Variants in BBS1 observed in about 807,000 individuals in gnomAD.
The protein encoded by BBS1 is Bardet-Biedl syndrome 1, also known as BBSome complex member BBS1.
A neutral mutation model predicts 73.9 loss-of-function variants in BBS1; 60 were observed. The ratio of observed to expected loss-of-function variants is 0.81; its 90% CI spans 0.66 to 1.01. BBS1 has a LOEUF of 1.01. BBS1 is among the 50% of genes least tolerant of loss of function. BBS1 has a pLI of 0.00. For missense variants in BBS1, 718 were observed against 770.3 expected (o/e 0.93, Z 0.80); for synonymous variants, 283 against 317.4 (o/e 0.89, Z 1.15).
intron 7 of BBS1, among the ~76,000 whole-genome samples, chr11:66,519,403 A>G (rs944972244): frequency 6.6e-6 from 1 of 152,190 alleles, no homozygotes; most frequent in Non-Finnish European, 1.5e-5. Context: ...GTTTTTGATC[A>G]TATGGATGGC....
intron 4 of BBS1, among the ~76,000 whole-genome samples, chr11:66,515,114 A>G (rs530420286): frequency 2.0e-5 from 3 of 152,164 alleles, no homozygotes; most frequent in African/African-American, 7.2e-5. Context: ...CACCGTGCCC[A>G]GCCTAGTGAT....
intron 13 of BBS1, chr11:66,529,520 AC>A (rs1332780704): frequency 2.8e-6 from 2 of 716,300 alleles, no homozygotes; most frequent in African/African-American, 1.7e-5. Context: ...TGAGAAGAGG[AC>A]CATGGACCAG....
intron 9 of BBS1, 52 bp downstream of exon 9, chr11:66,521,428 T>C: frequency 2.8e-6 from 4 of 1,445,606 alleles, no homozygotes; most frequent in Non-Finnish European, 2.9e-6. Context: ...AGAAAACTGG[T>C]GGCTTCAGAG....
At chr11:66,529,762 G>C in intron 13 of BBS1, 57 bp from the exon 14 acceptor site, 2 of 1,601,788 alleles carry the variant, frequency 1.2e-6, no homozygotes, top group Non-Finnish European at 1.7e-6. Flanking sequence ...CCCCGTTGCT[G>C]CCTCCTCCCT....
At chr11:66,517,031 C>T (rs1226583608) in intron 7 of BBS1, among the ~76,000 whole-genome samples, 1 of 151,990 alleles carries the variant, frequency 6.6e-6, no homozygotes, top group Non-Finnish European at 1.5e-5. Flanking sequence ...AACCCTGTCT[C>T]TACTAAAAAT....
chr11:66,530,883 C>T lies in BBS1; in HGVS notation c.1474-11C>T. On this transcript the variant is annotated splice_polypyrimidine_tract_variant and intron_variant, in intron 14 of 16. Transcript: ENST00000318312. ...GGTCCTAAGGGCTTTCTCCACCCAC[C>T]CTCTCCATAGGTTCAGGGCCTTGGC... The T allele has an allele frequency of 6.2e-7, 1 of 1,614,208 alleles. No individual in the cohort carries two copies. Among genetic ancestry groups the T allele is most frequent in the South Asian group, 1.1e-5 (1 of 91,090 alleles).
intron 13 of BBS1, chr11:66,529,155 C>G: frequency 4.3e-6 from 4 of 924,076 alleles, no homozygotes; most frequent in Non-Finnish European, 5.0e-6. Flanking sequence ...CCTGGGGGAC[C>G]GAGGTGCCCA....
intron 6 of BBS1, 25 bp downstream of exon 6, chr11:66,515,756 G>T: frequency 1.9e-6 from 3 of 1,614,176 alleles, no homozygotes; most frequent in Non-Finnish European, 1.7e-6. Context: ...GAGGGCCAGG[G>T]TTTGGGAGGC....
intron 16 of BBS1, 66 bp from the exon 17 acceptor site, chr11:66,531,885 G>T: frequency 6.3e-7 from 1 of 1,580,556 alleles, no homozygotes; most frequent in Admixed American, 1.9e-5. Flanking sequence ...TGTCATTAGG[G>T]CCAGCGCAGA....
intron 7 of BBS1, among the ~76,000 whole-genome samples, chr11:66,516,150 C>G (rs1432542634): frequency 8.9e-6 from 1 of 112,420 alleles, no homozygotes; most frequent in South Asian, 2.9e-4. Context: ...TTTTTTGAGA[C>G]AGTCTTGCTC....
chr11:66,531,297 G>A (rs1367299433), intron 15 of BBS1, among the ~76,000 whole-genome samples: 1 of 152,196 alleles, frequency 6.6e-6, no homozygotes, highest in East Asian at 1.9e-4. Context: ...GCTAGAGCCT[G>A]AACCCCACCT....
At chr11:66,530,755 G>A in intron 14 of BBS1, 139 bp from the exon 15 acceptor site, 1 of 1,271,250 alleles carries the variant, frequency 7.9e-7, no homozygotes. Flanking sequence ...GCCCCTTCTG[G>A]TCTTCTGTGT....
intron 8 of BBS1, chr11:66,519,955 A>G (rs1262618854): frequency 3.8e-6 from 2 of 523,454 alleles, no homozygotes; most frequent in African/African-American, 1.9e-5. Context: ...AGACATTTTC[A>G]TATTTAGACA....
At chr11:66,528,443 A>T (rs1856613613) in intron 13 of BBS1, among the ~76,000 whole-genome samples, 1 of 152,168 alleles carries the variant, frequency 6.6e-6, no homozygotes, top group South Asian at 2.1e-4. Flanking sequence ...GAAAATAAGA[A>T]TGAGGGGACT....
At chr11:66,525,224 G>A (rs1244432543) in intron 11 of BBS1, among the ~76,000 whole-genome samples, 1 of 141,750 alleles carries the variant, frequency 7.1e-6, no homozygotes, top group Non-Finnish European at 1.5e-5. Flanking sequence ...AGCCGGGTGT[G>A]ATGGCACACC....
At chr11:66,526,019 CTATCA>C in intron 11 of BBS1, 99 bp from the exon 12 acceptor site, 1 of 977,898 alleles carries the variant, frequency 1.0e-6, no homozygotes, top group Non-Finnish European at 1.6e-6. Context: ...AGGCCTGTCT[CTATCA>C]CTTCTCACCT....
At chr11:66,516,467 GA>G (rs1237917756) in intron 7 of BBS1, among the ~76,000 whole-genome samples, 1 of 152,028 alleles carries the variant, frequency 6.6e-6, no homozygotes, top group African/African-American at 2.4e-5. Flanking sequence ...TTTGGGATGG[GA>G]ATAGTTACCA....
intron 9 of BBS1, chr11:66,523,066 A>C (rs920908932): frequency 4.5e-6 from 2 of 443,950 alleles, no homozygotes; most frequent in Admixed American, 5.2e-5. Flanking sequence ...CTGCATTGAC[A>C]CAGGGCAAAG....
chr11:66,530,005 G>GC (rs1449218278), intron 14 of BBS1, 53 bp downstream of exon 14: 4 of 1,561,688 alleles, frequency 2.6e-6, no homozygotes, highest in Non-Finnish European at 3.4e-6. Flanking sequence ...AGGCCAGGAT[G>GC]CGCAGGAACC....
Sources: gnomAD v4.1 joint callset for allele counts (sites outside exome capture counted in the v4.1 genomes callset) on GRCh38, gnomAD v4.1.1 for gene constraint, MANE v1.5 for transcripts, NCBI Gene and HGNC (gene_info 2026-07-23, HGNC 2026-07-21) for gene names.